The following PAFAH1B1 variants were observed in gnomAD, a reference collection of about 807,000 sequenced individuals.
PAFAH1B1 encodes platelet-activating factor acetylhydrolase IB subunit beta.
A neutral mutation model predicts 57.5 loss-of-function variants in PAFAH1B1; 2 were observed. The ratio of observed to expected loss-of-function variants is 0.03; its 90% CI spans 0.01 to 0.11. The LOEUF (loss-of-function observed/expected upper bound fraction) is 0.11, where lower values mean the gene tolerates loss of function less well. PAFAH1B1 is among the 10% of genes least tolerant of loss of function. The pLI is 1.00. For missense variants in PAFAH1B1, 257 were observed against 512.0 expected, an observed-to-expected ratio of 0.50 and a Z score of 4.81; for synonymous variants, 152 against 169.6, an observed-to-expected ratio of 0.90 and a Z score of 0.81.
intron 3 of PAFAH1B1, 64 bp downstream of exon 3, chr17:2,665,520 AGTT>A (rs1386167057): frequency 1.1e-6 from 1 of 924,584 alleles, no homozygotes; most frequent in African/African-American, 1.6e-5. Flanking sequence ...AAGTATCTGT[AGTT>A]AACAGTTACG....
At chr17:2,593,573 T>C (rs1292354089), upstream of PAFAH1B1, among the ~76,000 whole-genome samples, 1 of 148,428 alleles carries the variant, frequency 6.7e-6, no homozygotes, top group East Asian at 2.0e-4. Context: ...CGCCCCTCCC[T>C]CTTCCTGGCG....
At chr17:2,614,918 C>G in intron 1 of PAFAH1B1, among the ~76,000 whole-genome samples, 1 of 152,096 alleles carries the variant, frequency 6.6e-6, no homozygotes. Flanking sequence ...AAAAAGTGAC[C>G]CACAATCTTG....
chr17:2,619,553 T>G (rs1304528340), intron 1 of PAFAH1B1, among the ~76,000 whole-genome samples: 1 of 149,834 alleles, frequency 6.7e-6, no homozygotes, highest in Non-Finnish European at 1.5e-5. Flanking sequence ...TTTTGTTTTT[T>G]TTCCTCTCAG....
chr17:2,665,095 A>T (rs1419720633), intron 2 of PAFAH1B1, among the ~76,000 whole-genome samples: 1 of 152,194 alleles, frequency 6.6e-6, no homozygotes, highest in Admixed American at 6.5e-5. Flanking sequence ...TAAGCAACAC[A>T]TTTGAAACTT....
chr17:2,672,852 CT>C, intron 7 of PAFAH1B1, 95 bp downstream of exon 7: 1 of 775,970 alleles, frequency 1.3e-6, no homozygotes, highest in Non-Finnish European at 2.3e-6. Flanking sequence ...GGCAGATCAC[CT>C]GGTCAGGAAT....
chr17:2,642,208 A>G (rs948584087), intron 2 of PAFAH1B1: 4 of 152,158 alleles, frequency 2.6e-5, no homozygotes, highest in African/African-American at 9.7e-5. Context: ...AATAATATCA[A>G]TAGATTGATT....
intron 6 of PAFAH1B1, among the ~76,000 whole-genome samples, chr17:2,672,285 C>CCA (rs1328068773): frequency 4.3e-5 from 3 of 69,590 alleles, no homozygotes; most frequent in African/African-American, 6.7e-5. Context: ...CCTTGCCTCA[C>CCA]AAAAAAAAAA....
In PAFAH1B1 at chr17:2,623,830, G is replaced by T. The variant is rs142147371; in HGVS notation, c.-190-14269G>T. Among the ~76,000 whole-genome samples, 224 of 149,432 alleles carry T rather than the reference G, an allele frequency of 1.5e-3. 1 individual carries two copies. The highest frequency in any genetic ancestry group is 5.2e-3 in the African/African-American group (212 of 40,452). On this transcript the variant is annotated intron_variant, in intron 1 of 10. Coordinates refer to ENST00000397195, the MANE Select transcript of PAFAH1B1 (RefSeq NM_000430.4). ...ATTTTTGTGTTTTTAGTAGAGATGG[G>T]GTTTCACCATGTTGGCCAGGCTGGT...
chr17:2,626,833 G>A (rs529214077), intron 1 of PAFAH1B1, among the ~76,000 whole-genome samples: 11 of 152,140 alleles, frequency 7.2e-5, no homozygotes, highest in Non-Finnish European at 1.2e-4. Context: ...GATTACAGTC[G>A]TGAGCCACCC....
intron 10 of PAFAH1B1, 65 bp from the exon 11 acceptor site, chr17:2,681,664 T>C: frequency 8.3e-7 from 1 of 1,206,944 alleles, no homozygotes; most frequent in Non-Finnish European, 1.2e-6. Flanking sequence ...AGAGAGGGGG[T>C]CTCACTATGT....
intron 2 of PAFAH1B1, among the ~76,000 whole-genome samples, chr17:2,652,653 G>T (rs558746087): frequency 1.3e-5 from 2 of 152,162 alleles, no homozygotes; most frequent in Non-Finnish European, 2.9e-5. Flanking sequence ...ACCTGCCCGC[G>T]CACTTCACGT....
intron 2 of PAFAH1B1, among the ~76,000 whole-genome samples, chr17:2,657,160 G>T (rs1261659388): frequency 6.6e-6 from 1 of 152,204 alleles, no homozygotes; most frequent in Non-Finnish European, 1.5e-5. Flanking sequence ...AGGTTTGAGA[G>T]ATTTCTTTTT....
chr17:2,666,880 ATT>A, intron 4 of PAFAH1B1, 110 bp from the exon 5 acceptor site: 1 of 699,542 alleles, frequency 1.4e-6, no homozygotes, highest in Non-Finnish European at 2.5e-6. Flanking sequence ...GATTACTGAA[ATT>A]TTTTCAAGTA....
intron 1 of PAFAH1B1, among the ~76,000 whole-genome samples, chr17:2,635,009 A>C (rs576839031): frequency 6.6e-6 from 1 of 152,232 alleles, no homozygotes; most frequent in East Asian, 1.9e-4. Flanking sequence ...CTAAAAATAC[A>C]AAAAGTAGCC....
At chr17:2,627,834 G>C (rs12453353) in intron 1 of PAFAH1B1, among the ~76,000 whole-genome samples, 41,205 of 151,910 alleles carry the variant, frequency 0.27, 5,818 homozygotes, top group Middle Eastern at 0.35. Flanking sequence ...TATTTTATTT[G>C]TGGCTATTGT....
At chr17:2,617,175 T>G (rs1393327949) in intron 1 of PAFAH1B1, among the ~76,000 whole-genome samples, 1 of 152,224 alleles carries the variant, frequency 6.6e-6, no homozygotes, top group South Asian at 2.1e-4. Flanking sequence ...GCCCCAAAAC[T>G]ATTTCTACTT....
intron 1 of PAFAH1B1, among the ~76,000 whole-genome samples, chr17:2,606,441 C>G (rs565615586): frequency 6.6e-6 from 1 of 152,178 alleles, no homozygotes; most frequent in Admixed American, 6.5e-5. Flanking sequence ...TCTTAGCTCA[C>G]TGCAACCTCT....
At chr17:2,621,186 G>T (rs1278812159) in intron 1 of PAFAH1B1, among the ~76,000 whole-genome samples, 1 of 151,844 alleles carries the variant, frequency 6.6e-6, no homozygotes, top group Non-Finnish European at 1.5e-5. Context: ...GTTAAGCCTA[G>T]TACCCATTCG....
intron 1 of PAFAH1B1, among the ~76,000 whole-genome samples, chr17:2,598,565 G>C (rs941786598): frequency 8.0e-5 from 12 of 149,202 alleles, no homozygotes; most frequent in African/African-American, 2.9e-4. Flanking sequence ...CTTTGCCACT[G>C]TTTTTATTAT....
Sources: allele counts gnomAD v4.1 joint callset (sites outside exome capture counted in the v4.1 genomes callset), GRCh38; gene constraint gnomAD v4.1.1; transcripts MANE v1.5; gene names NCBI Gene and HGNC (gene_info 2026-07-23, HGNC 2026-07-21).